DMGDH: variants seen among roughly 807,000 people sequenced by gnomAD.
The protein encoded by DMGDH is dimethylglycine dehydrogenase.
A neutral mutation model predicts 95.2 loss-of-function variants in DMGDH; 76 were observed. The observed-to-expected ratio is 0.80, with a 90% CI of 0.66 to 0.97. The LOEUF is 0.97. Ranked by LOEUF, DMGDH falls within the 50% of genes least tolerant of loss-of-function variation. The pLI is 0.00. For synonymous variants in DMGDH, 345 were observed against 377.6 expected (o/e 0.91, Z 1.00); for missense variants, 987 against 1,055.0 (o/e 0.94, Z 0.89).
At chr5:79,002,707 T>C (rs1753473710) in intron 15 of DMGDH, among the ~76,000 whole-genome samples, 1 of 152,050 alleles carries the variant, frequency 6.6e-6, no homozygotes, top group Non-Finnish European at 1.5e-5. Context: ...AAATACTAAA[T>C]ACCAAAAGCA....
At chr5:79,067,977 G>A (rs969733974) in intron 1 of DMGDH, among the ~76,000 whole-genome samples, 12 of 152,318 alleles carry the variant, frequency 7.9e-5, no homozygotes, top group East Asian at 1.9e-4. Context: ...GTGCAGTGGT[G>A]CAATCTCGGT....
chr5:78,997,907 A>G lies in DMGDH; in HGVS notation c.*175T>C, dbSNP rs1753387174. On this transcript the variant is annotated 3_prime_UTR_variant, in exon 16 of 16. Transcript: ENST00000255189. ...GAACAATGTAAATCATTTATCTATT[A>G]TTCTGTCTTGCTTAGAAAACACTTA... is the stretch of plus-strand genomic sequence containing the variant. 1 of 662,706 alleles carries G rather than the reference A, an allele frequency of 1.5e-6. No homozygotes were observed. The highest frequency in any genetic ancestry group is 2.6e-6 in the Non-Finnish European group (1 of 387,580). 41.1% of individuals were successfully genotyped at this position (662,706 alleles called of 1,614,324 possible). A position where few individuals can be genotyped will look rare whatever the true frequency, so the allele number is the denominator to read the frequency against.
chr5:79,029,935 T>C lies in DMGDH; in HGVS notation c.1783A>G (p.Thr595Ala). The C allele has an allele frequency of 6.2e-7, 1 of 1,614,058 alleles. No individual in the cohort carries two copies. The highest frequency in any genetic ancestry group is 8.5e-7 in the Non-Finnish European group (1 of 1,179,968). ...TCATGAAGTTCTGATCCAGAGCCAG[T>C]AATTAAAAGAAACTCCCCAGGAGAT... is the stretch of plus-strand genomic sequence containing the variant. ...HQSPGEFLLI[T>A]GSGSELHDLR... is the part of the protein sequence containing the mutation. Residue 595 changes from threonine to alanine, a missense_variant, in exon 11 of 16, where the codon ACT becomes GCT. Physicochemically the swap from Thr to Ala is moderately conservative, Grantham distance 58. Coordinates refer to ENST00000255189, the MANE Select transcript of DMGDH (RefSeq NM_013391.3).
At chr5:79,046,689 T>C (rs1293339130) in intron 5 of DMGDH, among the ~76,000 whole-genome samples, 1 of 152,194 alleles carries the variant, frequency 6.6e-6, no homozygotes, top group Non-Finnish European at 1.5e-5. Flanking sequence ...TGAGACTTAA[T>C]TTACTCTTGC....
intron 7 of DMGDH, among the ~76,000 whole-genome samples, chr5:79,033,860 C>T (rs539021989): frequency 2.0e-5 from 3 of 152,128 alleles, no homozygotes; most frequent in African/African-American, 2.4e-5. Context: ...TGAGCCTAGG[C>T]GGTAGAGGCT....
At chr5:79,060,514 C>T (rs1755168303) in intron 2 of DMGDH, among the ~76,000 whole-genome samples, 1 of 152,236 alleles carries the variant, frequency 6.6e-6, no homozygotes, top group Non-Finnish European at 1.5e-5. Flanking sequence ...TCTCATGGAG[C>T]ACATATCGTG....
rs969515120 is a variant in DMGDH, at chr5:79,008,108, T to TA, written c.2251-2702dup. Among the ~76,000 whole-genome samples the TA allele has an allele frequency of 6.6e-4, 101 of 152,300 alleles. 1 individual carries two copies. Among genetic ancestry groups the TA allele is most frequent in the African/African-American group, 2.3e-3 (95 of 41,562 alleles). On this transcript the variant is annotated intron_variant, in intron 14 of 15. Coordinates refer to ENST00000255189, the MANE Select transcript of DMGDH (RefSeq NM_013391.3). ...GGTTGGTTCCTTGTGTTCTAGGGTG[T>TA]AAAAATCACAAAAGTTTTGTAAATC... is the stretch of plus-strand genomic sequence containing the variant.
intron 1 of DMGDH, among the ~76,000 whole-genome samples, chr5:79,065,328 T>C (rs141294386): frequency 9.8e-4 from 148 of 151,282 alleles, no homozygotes; most frequent in African/African-American, 3.2e-3. Context: ...TCTTGTGCCT[T>C]AGCCTCCCGA....
intron 14 of DMGDH, among the ~76,000 whole-genome samples, chr5:79,009,623 G>A (rs1753611534): frequency 6.6e-6 from 1 of 152,092 alleles, no homozygotes; most frequent in Non-Finnish European, 1.5e-5. Flanking sequence ...GCCTCCCAAA[G>A]TGCTGGGATT....
At chr5:79,030,441 CAGG>C (rs1424370315) in intron 10 of DMGDH, 1 of 254,348 alleles carries the variant, frequency 3.9e-6, no homozygotes, top group African/African-American at 2.3e-5. Flanking sequence ...CACCTGAGGT[CAGG>C]AGTTCGAGAC....
chr5:78,998,731 T>G (rs912658607), intron 15 of DMGDH, among the ~76,000 whole-genome samples: 4 of 152,134 alleles, frequency 2.6e-5, no homozygotes, highest in African/African-American at 9.7e-5. Context: ...GCGCCTATAC[T>G]CTCAGCTAAT....
intron 5 of DMGDH, among the ~76,000 whole-genome samples, chr5:79,051,081 T>C (rs1754838898): frequency 1.3e-5 from 2 of 152,128 alleles, no homozygotes; most frequent in African/African-American, 4.8e-5. Flanking sequence ...GCAACTTTTT[T>C]TGGATAACCA....
In DMGDH at chr5:79,054,218, AT is replaced by A; in HGVS notation, c.505del (p.Ile169PhefsTer10). ...TEQYLIEPEK[I>X]QEMFPLLNMN... is the part of the protein sequence containing the mutation. ...GTTGAGTAAAGGGAACATCTCTTGA[AT>A]TTTTTCAGGTTCAATGAGATACTGT... On this transcript the variant is annotated frameshift_variant, in exon 4 of 16. Coordinates refer to ENST00000255189, the MANE Select transcript of DMGDH (RefSeq NM_013391.3). LOFTEE classifies it high-confidence loss of function. 6.2e-7 allele frequency: 1 copy of A among 1,613,990 alleles called. No individual in the cohort carries two copies. Among genetic ancestry groups the A allele is most frequent in the Non-Finnish European group, 8.5e-7 (1 of 1,179,990 alleles).
intron 12 of DMGDH, among the ~76,000 whole-genome samples, 178 bp downstream of exon 12, chr5:79,028,255 A>C (rs2112622427): frequency 6.6e-6 from 1 of 152,300 alleles, no homozygotes; most frequent in South Asian, 2.1e-4. Flanking sequence ...ACTAGACATA[A>C]GAGCTGGGCA....
At chr5:79,036,785 T>C (rs1009680529) in intron 7 of DMGDH, among the ~76,000 whole-genome samples, 1 of 152,148 alleles carries the variant, frequency 6.6e-6, no homozygotes, top group African/African-American at 2.4e-5. Context: ...AATCTGTTTG[T>C]TTGCTTGTTT....
intron 15 of DMGDH, 22 bp downstream of exon 15, chr5:79,005,251 C>A (rs554116109): frequency 1.9e-6 from 3 of 1,612,978 alleles, no homozygotes; most frequent in South Asian, 1.1e-5. Flanking sequence ...CAGCCCCTGG[C>A]AGTGAGGTCC....
chr5:79,041,775 G>A (rs2112644025), intron 7 of DMGDH, among the ~76,000 whole-genome samples: 1 of 152,188 alleles, frequency 6.6e-6, no homozygotes, highest in South Asian at 2.1e-4. Context: ...TGGGCAGATT[G>A]CCTGAGGTCA....
intron 12 of DMGDH, 101 bp downstream of exon 12, chr5:79,028,332 T>A: frequency 2.9e-6 from 3 of 1,049,990 alleles, no homozygotes; most frequent in South Asian, 2.8e-5. Flanking sequence ...GCATACACAC[T>A]CACACATTTC....
At chr5:79,031,656 C>T (rs1754181762) in intron 9 of DMGDH, among the ~76,000 whole-genome samples, 1 of 152,152 alleles carries the variant, frequency 6.6e-6, no homozygotes, top group Admixed American at 6.5e-5. Flanking sequence ...CAGAGCCAGA[C>T]CTGGAACAAA....
Sources: gnomAD v4.1 joint callset for allele counts (sites outside exome capture counted in the v4.1 genomes callset) on GRCh38, gnomAD v4.1.1 for gene constraint, MANE v1.5 for transcripts, NCBI Gene and HGNC (gene_info 2026-07-23, HGNC 2026-07-21) for gene names.